Variants in SIL1 observed in about 807,000 individuals in gnomAD.
SIL1 encodes the protein nucleotide exchange factor SIL1.
A neutral mutation model predicts 49.1 loss-of-function variants in SIL1; 40 were observed. The ratio of observed to expected loss-of-function variants is 0.81; its 90% CI spans 0.63 to 1.06. The LOEUF is 1.06. Among genes scored for constraint, SIL1 ranks in the 50% least tolerant of loss-of-function variants. The pLI is 0.00. For missense variants in SIL1, 500 were observed against 572.6 expected, an observed-to-expected ratio of 0.87 and a Z score of 1.29; for synonymous variants, 253 against 250.8, an observed-to-expected ratio of 1.01 and a Z score of -0.08.
intron 1 of SIL1, among the ~76,000 whole-genome samples, chr5:139,180,669 AT>A (rs1483653607): frequency 6.6e-6 from 1 of 152,162 alleles, no homozygotes; most frequent in Admixed American, 6.5e-5. Context: ...AGCAAAATTC[AT>A]CATCTGCAAC....
intron 3 of SIL1, among the ~76,000 whole-genome samples, chr5:139,056,210 C>G (rs1373337281): frequency 6.6e-6 from 1 of 151,226 alleles, no homozygotes; most frequent in African/African-American, 2.4e-5. Flanking sequence ...GGCCGCCATC[C>G]CATCTAGGAA....
intron 7 of SIL1, among the ~76,000 whole-genome samples, chr5:138,952,547 A>G (rs539882234): frequency 6.6e-6 from 1 of 152,344 alleles, no homozygotes; most frequent in Non-Finnish European, 1.5e-5. Flanking sequence ...TATTCTCAGC[A>G]CTCAGCACAG....
chr5:139,035,622 C>T (rs1768887174), intron 5 of SIL1: 3 of 312,850 alleles, frequency 9.6e-6, no homozygotes, highest in Admixed American at 4.0e-5. Context: ...TTTCACCCTC[C>T]GTGCATCTCA....
At chr5:138,981,440 A>C (rs895576596) in intron 7 of SIL1, among the ~76,000 whole-genome samples, 5 of 152,120 alleles carry the variant, frequency 3.3e-5, no homozygotes, top group Non-Finnish European at 7.3e-5. Context: ...AACCAATGTA[A>C]CAAAAAAGGA....
At chr5:139,117,663 C>T (rs952727766) in intron 3 of SIL1, among the ~76,000 whole-genome samples, 10 of 152,154 alleles carry the variant, frequency 6.6e-5, no homozygotes, top group Non-Finnish European at 1.3e-4. Flanking sequence ...TATCCACCCT[C>T]AAATGCTTGC....
intron 7 of SIL1, chr5:139,014,330 G>A (rs567108359): frequency 1.3e-5 from 2 of 149,028 alleles, no homozygotes; most frequent in East Asian, 4.0e-4. Context: ...TCGCGTCTTT[G>A]CACCCCAGCC....
At chr5:139,152,208 T>C (rs1409612408) in intron 1 of SIL1, among the ~76,000 whole-genome samples, 2 of 152,226 alleles carry the variant, frequency 1.3e-5, no homozygotes, top group Non-Finnish European at 2.9e-5. Context: ...TTCTTCAGGT[T>C]CCTATGCTCA....
chr5:139,004,853 C>A (rs1768073364), intron 7 of SIL1, among the ~76,000 whole-genome samples: 2 of 152,104 alleles, frequency 1.3e-5, no homozygotes, highest in South Asian at 4.1e-4. Flanking sequence ...ATAAGCCAGG[C>A]ACAGAAAGAC....
At chr5:139,010,964 G>T (rs2150419552) in intron 7 of SIL1, among the ~76,000 whole-genome samples, 1 of 148,344 alleles carries the variant, frequency 6.7e-6, no homozygotes, top group South Asian at 2.2e-4. Flanking sequence ...AGGCAGGCAG[G>T]CCTCCTTGAG....
At chr5:139,032,541 T>C (rs1161811094) in intron 5 of SIL1, among the ~76,000 whole-genome samples, 1 of 152,222 alleles carries the variant, frequency 6.6e-6, no homozygotes, top group Non-Finnish European at 1.5e-5. Flanking sequence ...TTGTACTCTG[T>C]CTGGTTCAGG....
chr5:139,094,456 T>C lies in SIL1; in HGVS notation c.244+26579A>G, dbSNP rs148131547. Among the ~76,000 whole-genome samples the C allele has an allele frequency of 1.2e-3, 178 of 152,266 alleles. 1 individual carries two copies. The highest frequency in any genetic ancestry group is 3.9e-3 in the African/African-American group (161 of 41,534). On this transcript the variant is annotated intron_variant, in intron 3 of 9. Coordinates refer to ENST00000394817, the MANE Select transcript of SIL1 (RefSeq NM_022464.5). ...AATAAACAACACTAAGTAAAATCTA[T>C]AGATTAAATAATAAGTGCTAAGGAG...
chr5:139,017,411 A>T (rs943521317), intron 7 of SIL1, among the ~76,000 whole-genome samples: 1 of 152,222 alleles, frequency 6.6e-6, no homozygotes, highest in Non-Finnish European at 1.5e-5. Flanking sequence ...GCACATGTAC[A>T]TCCTTTTTTG....
At chr5:139,154,560 A>T (rs987411296) in intron 1 of SIL1, among the ~76,000 whole-genome samples, 1 of 152,224 alleles carries the variant, frequency 6.6e-6, no homozygotes, top group Non-Finnish European at 1.5e-5. Context: ...AATGTCTGTG[A>T]TTGAATCACT....
At chr5:139,183,554 C>G (rs1315033517) in intron 1 of SIL1, among the ~76,000 whole-genome samples, 1 of 152,202 alleles carries the variant, frequency 6.6e-6, no homozygotes, top group Non-Finnish European at 1.5e-5. Context: ...CCTGGACAAA[C>G]TCAGAGGCAG....
chr5:138,972,926 G>A (rs1214340251), intron 7 of SIL1, among the ~76,000 whole-genome samples: 4 of 152,202 alleles, frequency 2.6e-5, no homozygotes, highest in African/African-American at 9.7e-5. Context: ...GGGGCAATAA[G>A]AGCAGAAGGG....
At chr5:139,000,633 T>G (rs1367380299) in intron 7 of SIL1, among the ~76,000 whole-genome samples, 1 of 152,130 alleles carries the variant, frequency 6.6e-6, no homozygotes, top group African/African-American at 2.4e-5. Context: ...AACTTTATAC[T>G]CTCAGAAGAT....
chr5:139,136,165 A>G (rs763292473), intron 1 of SIL1, among the ~76,000 whole-genome samples: 27 of 152,212 alleles, frequency 1.8e-4, no homozygotes, highest in Admixed American at 4.6e-4. Flanking sequence ...CACAGCTTGC[A>G]AAGAATCTGA....
intron 7 of SIL1, among the ~76,000 whole-genome samples, chr5:138,967,056 T>G (rs1273474925): frequency 6.6e-6 from 1 of 152,210 alleles, no homozygotes; most frequent in Non-Finnish European, 1.5e-5. Context: ...ACTATTATGA[T>G]GCCCTGGCAA....
chr5:139,085,722 G>A (rs962724919), intron 3 of SIL1, among the ~76,000 whole-genome samples: 1 of 152,144 alleles, frequency 6.6e-6, no homozygotes, highest in Admixed American at 6.5e-5. Context: ...AATGGGACAG[G>A]CAAATATATA....
Sources: gnomAD v4.1 joint callset for allele counts (sites outside exome capture counted in the v4.1 genomes callset) on GRCh38, gnomAD v4.1.1 for gene constraint, MANE v1.5 for transcripts, NCBI Gene and HGNC (gene_info 2026-07-23, HGNC 2026-07-21) for gene names.